MID1: variants seen among roughly 807,000 people sequenced by gnomAD.
MID1 encodes the protein midline 1, also known as E3 ubiquitin-protein ligase Midline-1.
A neutral mutation model predicts 40.4 loss-of-function variants in MID1; 7 were observed. The observed-to-expected ratio is 0.17, with a 90% CI of 0.10 to 0.33. The LOEUF (loss-of-function observed/expected upper bound fraction) is 0.33, where lower values mean the gene tolerates loss of function less well. MID1 is among the 10% of genes least tolerant of loss of function. MID1 has a pLI of 1.00. For synonymous variants in MID1, 229 were observed against 221.2 expected (o/e 1.04, Z -0.31); for missense variants, 367 against 558.5 (o/e 0.66, Z 3.46).
intron 1 of MID1, among the ~76,000 whole-genome samples, chrX:10,733,664 CAT>C (rs1360111130): frequency 2.7e-5 from 3 of 111,491 alleles, no homozygotes; most frequent in East Asian, 2.8e-4. Flanking sequence ...AACGAGCAAA[CAT>C]GTGAACAGAA....
chrX:10,748,079 T>G (rs2043572067), intron 1 of MID1, among the ~76,000 whole-genome samples: 1 of 111,463 alleles, frequency 9.0e-6, no homozygotes, highest in Non-Finnish European at 1.9e-5. Context: ...CATTAGGAGC[T>G]TATATAGTCT....
intron 1 of MID1, among the ~76,000 whole-genome samples, chrX:10,636,785 G>GACATATATATATATATAT (rs757390504): frequency 1.2e-4 from 5 of 42,708 alleles, no homozygotes; most frequent in Admixed American, 2.5e-4. Flanking sequence ...CAACAATGGG[G>GACATATATATATATATAT]ATATATATAT....
Position 10,701,722 on chromosome X carries a change from G to A in MID1, c.-186-81303C>T, listed in dbSNP as rs1212062317. Among the ~76,000 whole-genome samples, 3 of 112,205 alleles carry A rather than the reference G, an allele frequency of 2.7e-5. No individual in the cohort carries two copies. In the East Asian group the frequency reaches 8.3e-4, roughly 31 times the overall value. On this transcript the variant is annotated intron_variant, in intron 1 of 10. Transcript: ENST00000380785. ...TATAGCAGCTCATATGCAAATACTT[G>A]TATTCATTTTTCCCTGGATCAAAAC...
chrX:10,504,806 T>C (rs1331710579), intron 3 of MID1, among the ~76,000 whole-genome samples: 2 of 110,085 alleles, frequency 1.8e-5, no homozygotes, highest in African/African-American at 6.6e-5. Flanking sequence ...ATTTTAGCAT[T>C]GTGGGCCAGA....
At chrX:10,569,104 G>A (rs1190215316) in intron 1 of MID1, among the ~76,000 whole-genome samples, 2 of 112,093 alleles carry the variant, frequency 1.8e-5, no homozygotes, top group Non-Finnish European at 3.8e-5. Flanking sequence ...AAAATTCACG[G>A]TTTCTAGAAT....
At chrX:10,517,248 C>T (rs1161105625) in intron 3 of MID1, among the ~76,000 whole-genome samples, 2 of 111,166 alleles carry the variant, frequency 1.8e-5, no homozygotes, top group African/African-American at 6.6e-5. Flanking sequence ...CCGGGGAATG[C>T]TCATACCCAA....
chrX:10,543,064 C>A (rs1933536262), intron 2 of MID1, among the ~76,000 whole-genome samples: 1 of 112,149 alleles, frequency 8.9e-6, no homozygotes, highest in African/African-American at 3.2e-5. Context: ...TTTGAAAGAT[C>A]AAATATTGAC....
intron 2 of MID1, among the ~76,000 whole-genome samples, chrX:10,547,605 A>AAGGGAGGGGGGGAGGG (rs879409869): frequency 1.0e-5 from 1 of 95,449 alleles, no homozygotes; most frequent in Non-Finnish European, 2.0e-5. Context: ...GGAAGGAAAG[A>AAGGGAGGGGGGGAGGG]AGGGAGGGTA....
chrX:10,746,806 T>TTA (rs1278297709), intron 1 of MID1, among the ~76,000 whole-genome samples: 5 of 108,813 alleles, frequency 4.6e-5, no homozygotes, highest in Non-Finnish European at 9.5e-5. Context: ...ATTATTATTA[T>TTA]TATATATATT....
Position 10,718,302 on chromosome X carries a change from C to T in MID1, c.-186-97883G>A, listed in dbSNP as rs749755815. On this transcript the variant is annotated intron_variant, in intron 1 of 10. Transcript: ENST00000380785. ...CAACAAAATTGATAGACTCCTAGCA[C>T]GACTAATAAAGAAGAAAAGAGAGAA... Among the ~76,000 whole-genome samples, 8 of 110,722 alleles carry T rather than the reference C, an allele frequency of 7.2e-5. 1 individual carries two copies. The South Asian group carries it at 1.1e-3, about 16-fold the overall frequency.
chrX:10,495,157 T>A (rs1272045883), intron 4 of MID1, among the ~76,000 whole-genome samples: 1 of 111,945 alleles, frequency 8.9e-6, no homozygotes, highest in Non-Finnish European at 1.9e-5. Context: ...CTCAAAAACA[T>A]GGGAAAGTAC....
chrX:10,750,631 GAAAAAT>G (rs1199660676), intron 1 of MID1, among the ~76,000 whole-genome samples: 1 of 107,973 alleles, frequency 9.3e-6, no homozygotes, highest in East Asian at 2.9e-4. Context: ...ACTCTGTCTC[GAAAAAT>G]AAAAAATAAA....
chrX:10,594,992 TA>T (rs1935384616), intron 1 of MID1, among the ~76,000 whole-genome samples: 1 of 111,847 alleles, frequency 8.9e-6, no homozygotes, highest in South Asian at 3.8e-4. Context: ...CATATATCCA[TA>T]ACTGGCATTT....
chrX:10,808,319 G>GTCC (rs2044062528), intron 1 of MID1, among the ~76,000 whole-genome samples: 1 of 111,258 alleles, frequency 9.0e-6, no homozygotes, highest in African/African-American at 3.3e-5. Flanking sequence ...CTCTGTAATG[G>GTCC]TCCTCTATGA....
chrX:10,612,872 C>T (rs1935757678), intron 1 of MID1, among the ~76,000 whole-genome samples: 1 of 111,836 alleles, frequency 8.9e-6, no homozygotes, highest in African/African-American at 3.2e-5. Context: ...CTAAGTCTCC[C>T]TCATACCTTG....
chrX:10,461,260 C>T (rs1929025612), intron 7 of MID1, among the ~76,000 whole-genome samples: 1 of 107,131 alleles, frequency 9.3e-6, no homozygotes, highest in Admixed American at 1.0e-4. Context: ...TTGAAAAAGC[C>T]AGCTTGAAGC....
At chrX:10,658,123 T>A (rs760621200) in intron 1 of MID1, among the ~76,000 whole-genome samples, 7 of 110,744 alleles carry the variant, frequency 6.3e-5, no homozygotes, top group Middle Eastern at 4.7e-3. Context: ...AGTGGAAAAA[T>A]TCTTAATAGT....
At chrX:10,580,955 A>AC (rs1569114538) in intron 1 of MID1, among the ~76,000 whole-genome samples, 1 of 108,664 alleles carries the variant, frequency 9.2e-6, no homozygotes, top group African/African-American at 3.4e-5. Flanking sequence ...AAAAAAAAAA[A>AC]AAACATGTAG....
chrX:10,810,415 T>G, intron 1 of MID1, among the ~76,000 whole-genome samples: 1 of 112,104 alleles, frequency 8.9e-6, no homozygotes. Flanking sequence ...TATCCATTTA[T>G]ATGTCAATGG....
Sources: allele counts gnomAD v4.1 joint callset (sites outside exome capture counted in the v4.1 genomes callset), GRCh38; gene constraint gnomAD v4.1.1; transcripts MANE v1.5; gene names NCBI Gene and HGNC (gene_info 2026-07-23, HGNC 2026-07-21).